GAREM1: variants seen among roughly 807,000 people sequenced by gnomAD.
GAREM1 encodes the protein GRB2-associated and regulator of MAPK protein 1.
GAREM1 carries 26 observed loss-of-function variants against 71.3 expected under a neutral mutation model. The ratio of observed to expected loss-of-function variants is 0.36; its 90% CI spans 0.27 to 0.51. GAREM1 has a LOEUF of 0.51. Among genes scored for constraint, GAREM1 ranks in the 20% least tolerant of loss-of-function variants. The probability of loss-of-function intolerance (pLI) is 0.95; values close to 1 mark genes in which losing one functional copy is unlikely to be tolerated. For missense variants in GAREM1, 1,026 were observed against 1,103.1 expected (o/e 0.93, Z 0.99); for synonymous variants, 440 against 433.2 (o/e 1.02, Z -0.20).
chr18:32,396,815 G>C (rs2048262091), intron 1 of GAREM1, among the ~76,000 whole-genome samples: 1 of 152,052 alleles, frequency 6.6e-6, no homozygotes, highest in African/African-American at 2.4e-5. Flanking sequence ...ATGCCACAAA[G>C]ATACTCCTCG....
At chr18:32,342,015 G>GA (rs71384937) in intron 2 of GAREM1, among the ~76,000 whole-genome samples, 3 of 149,330 alleles carry the variant, frequency 2.0e-5, no homozygotes, top group South Asian at 2.1e-4. Flanking sequence ...CACCAAAAAA[G>GA]AAAAAAAAAG....
chr18:32,435,146 G>T (rs1167706932), intron 1 of GAREM1, among the ~76,000 whole-genome samples: 1 of 151,920 alleles, frequency 6.6e-6, no homozygotes, highest in African/African-American at 2.4e-5. Flanking sequence ...CTTCAAAAGT[G>T]TCAAGATCAA....
chr18:32,357,157 T>G (rs1265124048), intron 2 of GAREM1, among the ~76,000 whole-genome samples: 6 of 152,134 alleles, frequency 3.9e-5, no homozygotes, highest in Non-Finnish European at 7.4e-5. Flanking sequence ...GTTACTCAGG[T>G]TTCGGCTTAC....
rs572238993 is a variant in GAREM1 at position 32,269,308 on chromosome 18, G to A, written c.1734-540C>T. Among the ~76,000 whole-genome samples the A allele has an allele frequency of 3.9e-5, 6 of 152,298 alleles. No homozygotes were observed. In the South Asian group the frequency reaches 6.2e-4, roughly 16 times the overall value. On this transcript the variant is annotated intron_variant, in intron 5 of 5. Transcript: ENST00000269209. ...TTCTGAACAATCGAGTAACATTAGC[G>A]CAAAGATTTAAATGTCCAGAGAACA...
intron 1 of GAREM1, among the ~76,000 whole-genome samples, chr18:32,430,026 C>G (rs1032853330): frequency 6.6e-6 from 1 of 152,170 alleles, no homozygotes; most frequent in African/African-American, 2.4e-5. Context: ...TGGTTTCAAA[C>G]ACCATGTCAC....
chr18:32,290,515 C>T (rs142178735), intron 3 of GAREM1, among the ~76,000 whole-genome samples: 45 of 151,848 alleles, frequency 3.0e-4, no homozygotes, highest in East Asian at 1.9e-3. Flanking sequence ...CATGGTGGCA[C>T]GTGACTGTAG....
chr18:32,368,165 C>T (rs951044296), intron 2 of GAREM1, among the ~76,000 whole-genome samples: 1 of 152,028 alleles, frequency 6.6e-6, no homozygotes, highest in Non-Finnish European at 1.5e-5. Flanking sequence ...CCAAAACTCA[C>T]TCCTACAGTT....
intron 2 of GAREM1, among the ~76,000 whole-genome samples, chr18:32,359,462 T>C (rs1366314888): frequency 1.3e-5 from 2 of 152,212 alleles, no homozygotes; most frequent in Non-Finnish European, 2.9e-5. Flanking sequence ...CAGTTTATAC[T>C]ATACAGTTCA....
chr18:32,415,929 A>G (rs1416836361), intron 1 of GAREM1, among the ~76,000 whole-genome samples: 1 of 152,116 alleles, frequency 6.6e-6, no homozygotes, highest in African/African-American at 2.4e-5. Context: ...GAAAAAGTCA[A>G]ATGGTCCTTT....
intron 1 of GAREM1, among the ~76,000 whole-genome samples, chr18:32,463,987 T>TAA (rs558638151): frequency 4.9e-5 from 6 of 123,316 alleles, no homozygotes; most frequent in African/African-American, 1.2e-4. Flanking sequence ...AGTACGTGGT[T>TAA]AAAAAAAAAA....
Position 32,310,273 on chromosome 18 carries a change from A to G in GAREM1, c.313T>C (p.Tyr105His), listed in dbSNP as rs2047304842. 2 of 1,614,136 alleles carry G rather than the reference A, an allele frequency of 1.2e-6. No individual in the cohort carries two copies. Among genetic ancestry groups the G allele is most frequent in the Middle Eastern group, 1.6e-4 (1 of 6,062 alleles). ...GCCACCTCCTCCACACTGTTGAAAT[A>G]TTGCACTGGCTCCTTTATATCTCGG... ...QDRDIKEPVQ[Y>H]FNSVEEVAKA... Residue 105 changes from tyrosine to histidine, a missense_variant, in exon 3 of 6, where the codon TAT (tyrosine) becomes CAT (histidine). Coordinates refer to ENST00000269209, the MANE Select transcript of GAREM1 (RefSeq NM_001242409.2).
intron 2 of GAREM1, among the ~76,000 whole-genome samples, chr18:32,352,449 T>C (rs1183182911): frequency 6.6e-6 from 1 of 151,976 alleles, no homozygotes; most frequent in African/African-American, 2.4e-5. Flanking sequence ...TGGGGATTTG[T>C]GGGGTGTGGA....
At chr18:32,395,610 G>C (rs1249645422) in intron 1 of GAREM1, among the ~76,000 whole-genome samples, 13 of 152,158 alleles carry the variant, frequency 8.5e-5, no homozygotes, top group Admixed American at 8.5e-4. Context: ...ATATAAAGAA[G>C]ACTTAGTCCC....
At chr18:32,303,427 C>A (rs1462046801) in intron 3 of GAREM1, among the ~76,000 whole-genome samples, 2 of 152,106 alleles carry the variant, frequency 1.3e-5, no homozygotes, top group South Asian at 2.1e-4. Context: ...GCAGGAAATG[C>A]AGACGGGGAA....
At chr18:32,353,866 A>C (rs1567976137) in intron 2 of GAREM1, among the ~76,000 whole-genome samples, 1 of 152,208 alleles carries the variant, frequency 6.6e-6, no homozygotes, top group Non-Finnish European at 1.5e-5. Context: ...AGGAAGGGAA[A>C]GGAAGAGAAG....
At chr18:32,362,741 T>C (rs772830702) in intron 2 of GAREM1, among the ~76,000 whole-genome samples, 23 of 152,196 alleles carry the variant, frequency 1.5e-4, no homozygotes, top group Non-Finnish European at 2.9e-4. Flanking sequence ...AATTTCAAGA[T>C]ATTGTAACTA....
chr18:32,428,454 G>A (rs947761237), intron 1 of GAREM1, among the ~76,000 whole-genome samples: 12 of 152,152 alleles, frequency 7.9e-5, no homozygotes, highest in African/African-American at 2.9e-4. Flanking sequence ...GGTTGGAACA[G>A]TGAGTGAGTT....
rs145837238 is a variant in GAREM1 at position 32,268,342 on chromosome 18, C to G, written c.2160G>C (p.Thr720=). Residue 720 remains threonine, a synonymous_variant, in exon 6 of 6, where the codon ACG becomes ACC. Coordinates refer to ENST00000269209, the MANE Select transcript of GAREM1 (RefSeq NM_001242409.2). ...CCCTGGGGGGTAAGGCAGGGCATGA[C>G]GTACTCTGCTTTGTCACACCAGCTG... ...SLAAGVTKQS[T]SCPALPPRAP... The G allele has an allele frequency of 2.5e-6, 4 of 1,613,998 alleles. No individual in the cohort carries two copies. The highest frequency in any genetic ancestry group is 3.4e-6 in the Non-Finnish European group (4 of 1,180,030).
At chr18:32,306,610 T>A (rs1046055463) in intron 3 of GAREM1, among the ~76,000 whole-genome samples, 6 of 152,194 alleles carry the variant, frequency 3.9e-5, no homozygotes, top group Admixed American at 6.5e-5. Flanking sequence ...ACTAGACCCA[T>A]GGCTTCAAAC....
Sources: gnomAD v4.1 joint callset for allele counts (sites outside exome capture counted in the v4.1 genomes callset) on GRCh38, gnomAD v4.1.1 for gene constraint, MANE v1.5 for transcripts, NCBI Gene and HGNC (gene_info 2026-07-23, HGNC 2026-07-21) for gene names.